Variants in WWP2 observed in about 807,000 individuals in gnomAD.
WWP2 encodes the protein WW domain containing E3 ubiquitin protein ligase 2.
Under a neutral mutation model 121.0 loss-of-function variants are expected in WWP2, and 57 were observed. That is an observed-to-expected ratio of 0.47 (90% CI 0.38 to 0.59). The LOEUF (loss-of-function observed/expected upper bound fraction) is 0.59, where lower values mean the gene tolerates loss of function less well. Among genes scored for constraint, WWP2 ranks in the 20% least tolerant of loss-of-function variants. WWP2 has a pLI of 0.00. For missense variants in WWP2, 962 were observed against 1,158.9 expected, an observed-to-expected ratio of 0.83 and a Z score of 2.47; for synonymous variants, 449 against 441.3, an observed-to-expected ratio of 1.02 and a Z score of -0.22.
At chr16:69,909,150 G>A (rs1237180260) in intron 9 of WWP2, 29 of 1,069,010 alleles carry the variant, frequency 2.7e-5, no homozygotes, top group African/African-American at 5.0e-5. Flanking sequence ...CTTCTTATTC[G>A]GCAGGGCTTC....
intron 16 of WWP2, chr16:69,933,021 C>T: frequency 2.1e-6 from 1 of 476,782 alleles, no homozygotes; most frequent in South Asian, 1.5e-5. Flanking sequence ...TTCCTTTTTT[C>T]CGTGGTGACC....
At chr16:69,908,492 G>T (rs1171087915) in intron 8 of WWP2, among the ~76,000 whole-genome samples, 1 of 152,216 alleles carries the variant, frequency 6.6e-6, no homozygotes, top group Admixed American at 6.5e-5. Context: ...ATATATTCCT[G>T]TCAGTCATTT....
chr16:69,830,573 A>G (rs111631471), intron 4 of WWP2, among the ~76,000 whole-genome samples: 5 of 152,214 alleles, frequency 3.3e-5, no homozygotes, highest in African/African-American at 1.2e-4. Context: ...TGCAAGACCA[A>G]GCCAGAGTTC....
chr16:69,813,258 G>C (rs1189795157), intron 4 of WWP2, among the ~76,000 whole-genome samples: 1 of 151,902 alleles, frequency 6.6e-6, no homozygotes, highest in African/African-American at 2.4e-5. Flanking sequence ...CGCCTCCTGG[G>C]TTCAAGCGAT....
chr16:69,819,858 T>C (rs551437886), intron 4 of WWP2, among the ~76,000 whole-genome samples: 1 of 152,226 alleles, frequency 6.6e-6, no homozygotes, highest in Non-Finnish European at 1.5e-5. Flanking sequence ...CCATTTATAG[T>C]GAATTCCCCT....
rs8062543 is a variant in WWP2 at position 69,799,183 on chromosome 16, G to C, written c.228G>C (p.Thr76=). 5 of 1,611,822 alleles carry C rather than the reference G, an allele frequency of 3.1e-6. No homozygotes were observed. The highest frequency in any genetic ancestry group is 1.7e-5 in the Admixed American group (1 of 59,264). ...LWNEIIILNV[T]AQSHLDLKVW... ...GGTATTTGTTTTTCAGGAATGTCACGGCACAGAGTCATTTAGATTTAAAGG... is the reference window on the plus strand; with the variant it reads ...GGTATTTGTTTTTCAGGAATGTCACCGCACAGAGTCATTTAGATTTAAAGG... The change falls in exon 4 of 24, where the codon ACG becomes ACC. Residue 76 remains threonine (T), a synonymous_variant. Coordinates refer to ENST00000359154, the MANE Select transcript of WWP2 (RefSeq NM_001270454.2). The surrounding 1 kb of genome is among the most constrained non-coding windows in gnomAD (Gnocchi z 4.5).
intron 1 of WWP2, among the ~76,000 whole-genome samples, chr16:69,781,260 C>T (rs925244872): frequency 1.3e-5 from 2 of 151,922 alleles, no homozygotes; most frequent in African/African-American, 2.4e-5. Context: ...AGGAAGTGGG[C>T]CATGAGGTCA....
At chr16:69,810,788 T>C (rs982440299) in intron 4 of WWP2, among the ~76,000 whole-genome samples, 14 of 149,538 alleles carry the variant, frequency 9.4e-5, no homozygotes, top group Admixed American at 8.7e-4. Context: ...GGAGTCTCGC[T>C]CTGTTGCCCA....
At chr16:69,800,725 C>T (rs1368386823) in intron 4 of WWP2, among the ~76,000 whole-genome samples, 1 of 151,494 alleles carries the variant, frequency 6.6e-6, no homozygotes, top group Non-Finnish European at 1.5e-5. Flanking sequence ...CCACCATTCC[C>T]AGCTAATTTT....
At chr16:69,797,218 G>C (rs1486236293) in intron 2 of WWP2, among the ~76,000 whole-genome samples, 1 of 152,340 alleles carries the variant, frequency 6.6e-6, no homozygotes, top group South Asian at 2.1e-4. Context: ...ACGAACATCA[G>C]AATTGTTGCC....
At chr16:69,933,028 G>A (rs186323643) in intron 16 of WWP2, 77 of 479,110 alleles carry the variant, frequency 1.6e-4, no homozygotes, top group Non-Finnish European at 3.2e-4. Flanking sequence ...TTTCCGTGGT[G>A]ACCTCCTCTC....
intron 4 of WWP2, among the ~76,000 whole-genome samples, chr16:69,814,969 T>C (rs2056461730): frequency 6.6e-6 from 1 of 152,042 alleles, no homozygotes; most frequent in Non-Finnish European, 1.5e-5. Context: ...TAAATTTATT[T>C]TTATTATTAG....
At position 69,925,070 on chromosome 16, in the gene WWP2, G is replaced by GC; in HGVS notation, c.1180-359dup. 1 of 1,035,506 alleles carries GC rather than the reference G, an allele frequency of 9.7e-7. No individual in the cohort carries two copies. Among genetic ancestry groups the GC allele is most frequent in the Non-Finnish European group, 1.2e-6 (1 of 862,786 alleles). The allele number at this position is 1,035,506 out of a possible 1,614,324, so 64.1% of individuals were successfully genotyped here. A position where few individuals can be genotyped will look rare whatever the true frequency, so the allele number is the denominator to read the frequency against. On this transcript the variant is annotated intron_variant, in intron 10 of 23. Coordinates refer to ENST00000359154, the MANE Select transcript of WWP2 (RefSeq NM_001270454.2). The surrounding 1 kb of genome is among the most constrained non-coding windows in gnomAD (Gnocchi z 4.0). The stretch of plus-strand genomic sequence containing the variant: ...CTTGGCCGCCTTGAGCCGGAGCTGA[G>GC]CGGAGGCACTGGGCCGAGCCTGCTT...
At chr16:69,893,700 C>G (rs2058065212) in intron 8 of WWP2, among the ~76,000 whole-genome samples, 1 of 152,160 alleles carries the variant, frequency 6.6e-6, no homozygotes, top group South Asian at 2.1e-4. Flanking sequence ...CGCCACCACG[C>G]CCAGCTAATT....
At chr16:69,768,129 C>T (rs2038772508) in intron 1 of WWP2, among the ~76,000 whole-genome samples, 1 of 152,110 alleles carries the variant, frequency 6.6e-6, no homozygotes. Context: ...TGAGCCACCA[C>T]AACTGGCTAG....
intron 11 of WWP2, among the ~76,000 whole-genome samples, chr16:69,926,971 G>A (rs769382011): frequency 6.6e-5 from 10 of 152,190 alleles, no homozygotes; most frequent in African/African-American, 2.4e-4. Context: ...TTTCATGCCA[G>A]TTCTGCTGAG....
chr16:69,937,195 C>A lies in WWP2; in HGVS notation c.2195C>A (p.Ala732Asp). Residue 732 changes from alanine (A) to aspartate (D), a missense_variant, in exon 20 of 24, where the codon GCC (alanine) becomes GAC (aspartate). This residue lies in a region of WWP2 where 606 missense variants were observed against 772.6 expected (regional missense o/e 0.78). Transcript: ENST00000359154. This position sits in a 1 kb window ranked among gnomAD's most constrained non-coding sequence, Gnocchi z 6.6. Reference sequence around the variant, plus strand: ...TTCCTGGATGGCTTCAACGAGGTGGCCCCGCTGGAGTGGCTGCGCTACTTT... The same window carrying A: ...TTCCTGGATGGCTTCAACGAGGTGGACCCGCTGGAGTGGCTGCGCTACTTT... ...KAFLDGFNEV[A>D]PLEWLRYFDE... 6.2e-7 allele frequency: 1 copy of A among 1,613,900 alleles called. No homozygotes were observed.
chr16:69,809,029 C>T (rs1473398191), intron 4 of WWP2, among the ~76,000 whole-genome samples: 2 of 152,114 alleles, frequency 1.3e-5, no homozygotes, highest in African/African-American at 4.8e-5. Context: ...GTGATTTTAT[C>T]TTCAAACCCA....
intron 2 of WWP2, among the ~76,000 whole-genome samples, chr16:69,795,630 G>A (rs753465368): frequency 1.5e-5 from 2 of 137,490 alleles, no homozygotes; most frequent in African/African-American, 5.5e-5. Context: ...TCTATAGATT[G>A]GAAACTTAAA....
Sources: gnomAD v4.1 joint callset for allele counts (sites outside exome capture counted in the v4.1 genomes callset) on GRCh38, gnomAD v4.1.1 for gene constraint, gnomAD v4.1.1 regional missense constraint, Gnocchi (gnomAD v3.1) non-coding constraint, MANE v1.5 for transcripts, NCBI Gene and HGNC (gene_info 2026-07-23, HGNC 2026-07-21) for gene names.